Variants in TMEM232 observed in about 807,000 individuals in gnomAD.
TMEM232 encodes transmembrane protein 232.
A neutral mutation model predicts 78.8 loss-of-function variants in TMEM232; 80 were observed. The observed-to-expected ratio is 1.01, with a 90% CI of 0.85 to 1.22. TMEM232 has a LOEUF of 1.22. Ranked by LOEUF, TMEM232 falls within the 50% of genes most tolerant of loss-of-function variation. The pLI is 0.00. For synonymous variants in TMEM232, 297 were observed against 254.3 expected (o/e 1.17, Z -1.60); for missense variants, 881 against 742.2 (o/e 1.19, Z -2.17).
At chr5:110,604,385 A>G (rs1162452938) in intron 10 of TMEM232, among the ~76,000 whole-genome samples, 3 of 152,160 alleles carry the variant, frequency 2.0e-5, no homozygotes, top group Admixed American at 6.6e-5. Context: ...TTGATGGACT[A>G]TAAGATGTCA....
chr5:110,427,482 C>T (rs1414004753), intron 12 of TMEM232, among the ~76,000 whole-genome samples: 2 of 151,852 alleles, frequency 1.3e-5, no homozygotes, highest in Non-Finnish European at 2.9e-5. Flanking sequence ...AGAATTTTGA[C>T]ATTTGAAGTT....
rs1408903854 is a variant in TMEM232 at position 110,598,306 on chromosome 5, A to G, written c.1276+6803T>C. Among the ~76,000 whole-genome samples, 3 of 152,224 alleles carry G rather than the reference A, an allele frequency of 2.0e-5. 1 individual carries two copies. The highest frequency in any genetic ancestry group is 4.1e-4 in the South Asian group (2 of 4,832). The stretch of plus-strand genomic sequence containing the variant: ...CAGAGAAATGCAAATCAAAACCACA[A>G]TGAGATACCATCTCACACCAGTTAG... On this transcript the variant is annotated intron_variant, in intron 10 of 13. Transcript: ENST00000455884.
chr5:110,404,175 T>A (rs1321917975), intron 2 of TMEM232, among the ~76,000 whole-genome samples: 4 of 152,102 alleles, frequency 2.6e-5, no homozygotes, highest in African/African-American at 7.2e-5. Flanking sequence ...TGAAATTTTC[T>A]AGAGGCTTAA....
At chr5:110,545,602 T>C (rs544594160) in intron 11 of TMEM232, among the ~76,000 whole-genome samples, 2 of 152,166 alleles carry the variant, frequency 1.3e-5, no homozygotes, top group African/African-American at 2.4e-5. Flanking sequence ...AAATAGGCAC[T>C]GGGAAAATAG....
intron 8 of TMEM232, among the ~76,000 whole-genome samples, chr5:110,615,645 AG>A (rs905178547): frequency 2.2e-4 from 33 of 152,024 alleles, no homozygotes; most frequent in African/African-American, 7.5e-4. Context: ...CAATTAGGCA[AG>A]AAAAAGAAAA....
At chr5:110,439,744 A>G (rs926328378) in intron 12 of TMEM232, among the ~76,000 whole-genome samples, 1 of 151,974 alleles carries the variant, frequency 6.6e-6, no homozygotes, top group Non-Finnish European at 1.5e-5. Context: ...TTCTTTTTCA[A>G]TTCACGGAGT....
In TMEM232 at chr5:110,558,738, A is replaced by G. The variant is rs372657929; in HGVS notation, c.1455+9709T>C. 4.1e-3 allele frequency among the ~76,000 whole-genome samples: 621 copies of G among 152,240 alleles called. 5 individuals are homozygous for G. The highest frequency in any genetic ancestry group is 0.014 in the African/African-American group (596 of 41,544). ...GCCATTTTCCACTACAGCCATTCCC[A>G]CACCAAATCCACTGCCGAATCCCTT... On this transcript the variant is annotated intron_variant, in intron 11 of 13. Transcript: ENST00000455884.
intron 13 of TMEM232, among the ~76,000 whole-genome samples, chr5:110,422,114 T>C (rs1756702871): frequency 6.6e-6 from 1 of 152,192 alleles, no homozygotes; most frequent in African/African-American, 2.4e-5. Flanking sequence ...ATAATCTAGT[T>C]GTTTAAGAAA....
At chr5:110,621,193 T>C (rs1202613606) in intron 7 of TMEM232, among the ~76,000 whole-genome samples, 1 of 150,624 alleles carries the variant, frequency 6.6e-6, no homozygotes, top group Non-Finnish European at 1.5e-5. Context: ...GAAACATTTT[T>C]TCAAAAAATA....
chr5:110,649,355 G>A (rs910336015), intron 2 of TMEM232, among the ~76,000 whole-genome samples: 2 of 151,756 alleles, frequency 1.3e-5, no homozygotes, highest in African/African-American at 4.8e-5. Flanking sequence ...GTCTTCACCT[G>A]GTGAATACAC....
chr5:110,692,436 A>T (rs201228113), intron 1 of TMEM232, among the ~76,000 whole-genome samples: 2 of 152,158 alleles, frequency 1.3e-5, no homozygotes, highest in East Asian at 3.9e-4. Flanking sequence ...CTCACTGGGG[A>T]GTGCCGGACA....
chr5:110,697,364 A>G (rs527614964), intron 1 of TMEM232, among the ~76,000 whole-genome samples: 26 of 152,318 alleles, frequency 1.7e-4, no homozygotes, highest in Middle Eastern at 3.4e-3. Flanking sequence ...AACCTAGGCA[A>G]TATCATTCAG....
intron 12 of TMEM232, among the ~76,000 whole-genome samples, chr5:110,447,413 A>G (rs922770936): frequency 6.6e-6 from 1 of 152,098 alleles, no homozygotes; most frequent in Admixed American, 6.6e-5. Context: ...GGCTTCGACT[A>G]GTACACAAAT....
At chr5:110,587,865 T>C (rs1040809092) in intron 10 of TMEM232, among the ~76,000 whole-genome samples, 3 of 150,402 alleles carry the variant, frequency 2.0e-5, no homozygotes, top group Non-Finnish European at 2.9e-5. Flanking sequence ...GTATATAATA[T>C]GATCAGTGAT....
At chr5:110,729,429 T>C (rs913325456), upstream of TMEM232, among the ~76,000 whole-genome samples, 1 of 152,186 alleles carries the variant, frequency 6.6e-6, no homozygotes, top group Non-Finnish European at 1.5e-5. Context: ...AAGACTCGGA[T>C]GTTAGACATT....
intron 10 of TMEM232, among the ~76,000 whole-genome samples, chr5:110,579,231 G>C (rs924982473): frequency 6.6e-6 from 1 of 150,550 alleles, no homozygotes; most frequent in African/African-American, 2.4e-5. Flanking sequence ...AATCTGCCAG[G>C]AAGATACTAT....
intron 2 of TMEM232, among the ~76,000 whole-genome samples, chr5:110,661,330 G>C (rs756708567): frequency 1.3e-5 from 2 of 151,958 alleles, no homozygotes; most frequent in Non-Finnish European, 2.9e-5. Flanking sequence ...TTCTTCTCTT[G>C]AGGTAGGGTC....
intron 2 of TMEM232, among the ~76,000 whole-genome samples, chr5:110,404,974 A>G (rs1407745953): frequency 1.3e-5 from 2 of 152,130 alleles, no homozygotes; most frequent in Non-Finnish European, 2.9e-5. Flanking sequence ...TTTTCAGCCA[A>G]TAAGTTTCTC....
At chr5:110,425,159 A>T (rs1561478172) in intron 12 of TMEM232, among the ~76,000 whole-genome samples, 1 of 152,092 alleles carries the variant, frequency 6.6e-6, no homozygotes. Context: ...ATATCCCCAT[A>T]CACAGCTCCA....
Sources: allele counts gnomAD v4.1 joint callset (sites outside exome capture counted in the v4.1 genomes callset), GRCh38; gene constraint gnomAD v4.1.1; transcripts MANE v1.5; gene names NCBI Gene and HGNC (gene_info 2026-07-23, HGNC 2026-07-21).